CDKL5: variants seen among roughly 807,000 people sequenced by gnomAD.
CDKL5 encodes the protein cyclin-dependent kinase-like 5.
A neutral mutation model predicts 61.7 loss-of-function variants in CDKL5; 8 were observed. The observed-to-expected ratio is 0.13, with a 90% confidence interval of 0.08 to 0.23. The LOEUF (loss-of-function observed/expected upper bound fraction) is 0.23, where lower values mean the gene tolerates loss of function less well. CDKL5 is among the 10% of genes least tolerant of loss of function. The probability of loss-of-function intolerance (pLI) is 1.00; values close to 1 mark genes in which losing one functional copy is unlikely to be tolerated. For missense variants in CDKL5, 440 were observed against 734.5 expected, an observed-to-expected ratio of 0.60 and a Z score of 4.63; for synonymous variants, 275 against 272.3, an observed-to-expected ratio of 1.01 and a Z score of -0.10.
chrX:18,523,204 A>C (rs1316782069), intron 3 of CDKL5, among the ~76,000 whole-genome samples: 1 of 111,711 alleles, frequency 9.0e-6, no homozygotes, highest in East Asian at 2.8e-4. Context: ...GTGTTACGTA[A>C]CCATCACTAC....
At chrX:18,560,883 G>A (rs772823162) in intron 3 of CDKL5, among the ~76,000 whole-genome samples, 128 of 111,123 alleles carry the variant, frequency 1.2e-3, no homozygotes, top group Non-Finnish European at 1.9e-3. Flanking sequence ...CAGAAAAAAA[G>A]AAGTGATCTA....
At chrX:18,499,437 T>C (rs185432137) in intron 1 of CDKL5, among the ~76,000 whole-genome samples, 87 of 104,618 alleles carry the variant, frequency 8.3e-4, no homozygotes, top group African/African-American at 3.0e-3. Context: ...CTCGGCTCAC[T>C]GTAAGCTCCG....
chrX:18,557,959 A>AT (rs750789065), intron 3 of CDKL5, among the ~76,000 whole-genome samples: 58 of 110,843 alleles, frequency 5.2e-4, no homozygotes, highest in African/African-American at 1.7e-3. Context: ...CATAACATTT[A>AT]TTTTTTATTC....
At chrX:18,532,409 C>G (rs1354245155) in intron 3 of CDKL5, among the ~76,000 whole-genome samples, 5 of 109,254 alleles carry the variant, frequency 4.6e-5, no homozygotes, top group Non-Finnish European at 9.5e-5. Flanking sequence ...AAACCATGCT[C>G]AAGTAGTTCT....
At chrX:18,428,210 A>G (rs1449758460) in intron 1 of CDKL5, among the ~76,000 whole-genome samples, 1 of 112,315 alleles carries the variant, frequency 8.9e-6, no homozygotes, top group Non-Finnish European at 1.9e-5. Context: ...CACTGTGTCC[A>G]GGAATCTATG....
downstream of CDKL5, chrX:18,644,293 T>G: frequency 1.7e-6 from 1 of 586,803 alleles, no homozygotes; most frequent in Non-Finnish European, 3.0e-6. Context: ...GCACAGCACA[T>G]TGTGGGGGAA....
chrX:18,466,295 A>G (rs1267927928), intron 1 of CDKL5, among the ~76,000 whole-genome samples: 1 of 112,177 alleles, frequency 8.9e-6, no homozygotes, highest in Non-Finnish European at 1.9e-5. Context: ...AGGTGCCTCA[A>G]TCCCAGTGAA....
At chrX:18,441,699 G>A (rs1215422235) in intron 1 of CDKL5, among the ~76,000 whole-genome samples, 1 of 111,243 alleles carries the variant, frequency 9.0e-6, no homozygotes, top group African/African-American at 3.3e-5. Context: ...TTGTGATCAG[G>A]GTGGGAATTG....
intron 1 of CDKL5, among the ~76,000 whole-genome samples, chrX:18,467,494 T>C (rs1166831190): frequency 8.9e-6 from 1 of 111,888 alleles, no homozygotes; most frequent in Non-Finnish European, 1.9e-5. Context: ...CTGGGTCTCT[T>C]CTTTGGCTTT....
At chrX:18,430,480 G>A (rs941683675) in intron 1 of CDKL5, among the ~76,000 whole-genome samples, 45 of 111,900 alleles carry the variant, frequency 4.0e-4, no homozygotes, top group Admixed American at 2.0e-3. Context: ...GTCTCGCTCT[G>A]TTGCCTAGGC....
intron 1 of CDKL5, among the ~76,000 whole-genome samples, chrX:18,485,324 A>G (rs890947065): frequency 9.0e-6 from 1 of 111,160 alleles, no homozygotes; most frequent in Non-Finnish European, 1.9e-5. Context: ...CCTGGCCTCT[A>G]TAAATCAGTA....
chrX:18,585,202 C>T (rs1055463364), intron 8 of CDKL5, among the ~76,000 whole-genome samples: 5 of 110,604 alleles, frequency 4.5e-5, no homozygotes, highest in African/African-American at 6.6e-5. Context: ...AAGACCAGCC[C>T]GGGCAACATG....
At chrX:18,652,552 C>T (rs1928097471) in intron 21 of CDKL5, among the ~76,000 whole-genome samples, 1 of 111,469 alleles carries the variant, frequency 9.0e-6, no homozygotes, top group Non-Finnish European at 1.9e-5. Flanking sequence ...ACCTGTAATC[C>T]CAGCTACTTG....
At chrX:18,473,994 G>C (rs1921209917) in intron 1 of CDKL5, among the ~76,000 whole-genome samples, 1 of 107,634 alleles carries the variant, frequency 9.3e-6, no homozygotes, top group Non-Finnish European at 1.9e-5. Context: ...TCAGCCTCCT[G>C]AGTAGCTGGG....
chrX:18,634,639 C>T lies in CDKL5; in HGVS notation c.*5882C>T, dbSNP rs1172512069. ...TCTGGCCCTCAGTCTGTTTCCCTCCCCTTGTTTACTCTTTGGTCACCGATC... is the reference window on the plus strand; with the variant it reads ...TCTGGCCCTCAGTCTGTTTCCCTCCTCTTGTTTACTCTTTGGTCACCGATC... On this transcript the variant is annotated 3_prime_UTR_variant, in exon 18 of 18. Transcript: ENST00000623535. 1.3e-6 allele frequency: 1 copy of T among 751,932 alleles called. No individual in the cohort carries two copies. The highest frequency in any genetic ancestry group is 8.9e-5 in the Admixed American group (1 of 11,240). The allele number at this position is 751,932 out of a possible 1,213,427, so 62.0% of individuals were successfully genotyped here.
intron 3 of CDKL5, among the ~76,000 whole-genome samples, chrX:18,540,156 G>GGTTGTTGTTGTT (rs745863506): frequency 9.2e-6 from 1 of 109,092 alleles, no homozygotes; most frequent in Non-Finnish European, 1.9e-5. Context: ...TTACTTTCTT[G>GGTTGTTGTTGTT]GTTGTTGTTG....
At chrX:18,548,952 AAG>A (rs1427470311) in intron 3 of CDKL5, among the ~76,000 whole-genome samples, 4 of 112,155 alleles carry the variant, frequency 3.6e-5, no homozygotes, top group South Asian at 3.7e-4. Context: ...CTTATTTTAT[AAG>A]AAAATGTAAA....
intron 1 of CDKL5, among the ~76,000 whole-genome samples, chrX:18,478,239 T>G (rs1921393106): frequency 9.2e-6 from 1 of 109,186 alleles, no homozygotes; most frequent in African/African-American, 3.3e-5. Context: ...GCTTTGAATG[T>G]GTCATCTTAC....
At chrX:18,431,549 G>A (rs1452048069) in intron 1 of CDKL5, among the ~76,000 whole-genome samples, 1 of 108,379 alleles carries the variant, frequency 9.2e-6, no homozygotes, top group African/African-American at 3.4e-5. Flanking sequence ...AGCCTCTGGA[G>A]TAGCTGGGAC....
Sources: allele counts gnomAD v4.1 joint callset (sites outside exome capture counted in the v4.1 genomes callset), GRCh38; gene constraint gnomAD v4.1.1; transcripts MANE v1.5; gene names NCBI Gene and HGNC (gene_info 2026-07-23, HGNC 2026-07-21).